PDCD2: variants seen among roughly 807,000 people sequenced by gnomAD.
PDCD2 encodes the protein uS5 assembly chaperone PDCD2.
A neutral mutation model predicts 38.1 loss-of-function variants in PDCD2; 38 were observed. The observed-to-expected ratio is 1.00, with a 90% CI of 0.77 to 1.31. The LOEUF is 1.31. Ranked by LOEUF, PDCD2 falls within the 50% of genes most tolerant of loss-of-function variation. PDCD2 has a pLI of 0.00. For missense variants in PDCD2, 473 were observed against 435.7 expected (o/e 1.09, Z -0.76); for synonymous variants, 205 against 168.9 (o/e 1.21, Z -1.66).
At chr6:170,579,892 T>C (rs1779546242) in intron 4 of PDCD2, 110 bp downstream of exon 4, 1 of 653,948 alleles carries the variant, frequency 1.5e-6, no homozygotes, top group Non-Finnish European at 2.7e-6. Flanking sequence ...CCTGCTTTTA[T>C]AGGCTCCTAA....
At position 170,583,547 on chromosome 6, in the gene PDCD2, G is replaced by A. The variant is rs755066452; in HGVS notation, c.484C>T (p.Leu162=). Reference sequence around the variant, plus strand: ...TGCTTATGTCCCAATCTCCAGTCTAGGGTCTGATGCTCCTTGCTGCAGTAA... The same window carrying A: ...TGCTTATGTCCCAATCTCCAGTCTAAGGTCTGATGCTCCTTGCTGCAGTAA... The part of the protein sequence containing the change: ...AYYCSKEHQT[L]DWRLGHKQAC... The change falls in exon 2 of 6, where the codon CTA becomes TTA. Residue 162 remains leucine (L), a synonymous_variant. Coordinates refer to ENST00000541970, the MANE Select transcript of PDCD2 (RefSeq NM_002598.4). 1.5e-5 allele frequency: 24 copies of A among 1,613,592 alleles called. No homozygotes were observed. Among genetic ancestry groups the A allele is most frequent in the Non-Finnish European group, 1.9e-5 (22 of 1,179,708 alleles).
intron 3 of PDCD2, chr6:170,581,107 C>T (rs2115013769): frequency 6.6e-6 from 1 of 152,236 alleles, no homozygotes; most frequent in East Asian, 1.9e-4. Flanking sequence ...TTCAATTCTC[C>T]TTTTATTTTA....
intron 3 of PDCD2, among the ~76,000 whole-genome samples, chr6:170,580,441 G>A (rs943021232): frequency 5.9e-5 from 9 of 152,210 alleles, no homozygotes; most frequent in African/African-American, 1.9e-4. Flanking sequence ...CTGGCCTGGA[G>A]CAGTGGCTCA....
At chr6:170,584,175 G>A in intron 1 of PDCD2, 124 bp downstream of exon 1, 1 of 1,081,632 alleles carries the variant, frequency 9.2e-7, no homozygotes, top group Non-Finnish European at 1.2e-6. Flanking sequence ...GGGGCAGCGC[G>A]GAGAGGGAGC....
chr6:170,578,145 C>G (rs1317519591), intron 5 of PDCD2, among the ~76,000 whole-genome samples: 2 of 142,160 alleles, frequency 1.4e-5, no homozygotes, highest in Non-Finnish European at 3.0e-5. Flanking sequence ...TAGTCTAACT[C>G]AAAGAGTGAA....
At chr6:170,584,182 G>A in intron 1 of PDCD2, 117 bp downstream of exon 1, 1 of 1,124,914 alleles carries the variant, frequency 8.9e-7, no homozygotes, top group South Asian at 2.6e-5. Flanking sequence ...CGCGGAGAGG[G>A]AGCTCTGAGG....
intron 1 of PDCD2, 120 bp downstream of exon 1, chr6:170,584,179 A>T: frequency 9.1e-7 from 1 of 1,103,270 alleles, no homozygotes; most frequent in Non-Finnish European, 1.2e-6. Context: ...CAGCGCGGAG[A>T]GGGAGCTCTG....
At position 170,578,897 on chromosome 6, in the gene PDCD2, G is replaced by A. The variant is rs1252067185; in HGVS notation, c.836C>T (p.Pro279Leu). Residue 279 changes from proline (P) to leucine (L), a missense_variant, in exon 5 of 6, where the codon CCA becomes CTA. By Grantham distance (98) the Pro-to-Leu change is moderately conservative (BLOSUM62 -3). Coordinates refer to ENST00000541970, the MANE Select transcript of PDCD2 (RefSeq NM_002598.4). The part of the protein sequence containing the change: ...GENIPQEKDI[P>L]DCPCGAKRIL... ...TCTCTTGGCACCACAGGGGCAATCT[G>A]GAATATCCTTTTCTTGAGGAATATT... 6.2e-7 allele frequency: 1 copy of A among 1,610,322 alleles called. No individual in the cohort carries two copies. The highest frequency in any genetic ancestry group is 8.5e-7 in the Non-Finnish European group (1 of 1,178,270).
intron 4 of PDCD2, 114 bp downstream of exon 4, chr6:170,579,888 T>A (rs779265614): frequency 2.2e-5 from 14 of 645,252 alleles, no homozygotes; most frequent in Non-Finnish European, 3.6e-5. Flanking sequence ...AAAGCCTGCT[T>A]TTATAGGCTC....
intron 3 of PDCD2, 150 bp downstream of exon 3, chr6:170,582,907 A>G: frequency 5.4e-6 from 8 of 1,472,896 alleles, no homozygotes; most frequent in South Asian, 2.9e-5. Context: ...TCCAGGAAGT[A>G]TATTTTTACC....
Position 170,584,451 on chromosome 6 carries a change from G to T in PDCD2, c.131C>A (p.Pro44Gln). 7.6e-7 allele frequency: 1 copy of T among 1,313,974 alleles called. No individual in the cohort carries two copies. Among genetic ancestry groups the T allele is most frequent in the South Asian group, 2.3e-5 (1 of 43,878 alleles). 81.4% of individuals were successfully genotyped at this position (1,313,974 alleles called of 1,614,324 possible). A position where few individuals can be genotyped will look rare whatever the true frequency, so the allele number is the denominator to read the frequency against. Reference sequence around the variant, plus strand: ...CTCGCAGGCCAGGGCCTGGGGCCCCGGCAGCCCGGCCGCGCCCAGCCATGC... The same window carrying T: ...CTCGCAGGCCAGGGCCTGGGGCCCCTGCAGCCCGGCCGCGCCCAGCCATGC... ...RPAWLGAAGL[P>Q]GPQALACELC... is the part of the protein sequence containing the mutation. Residue 44 changes from proline to glutamine, a missense_variant, in exon 1 of 6, where the codon CCG (proline) becomes CAG (glutamine). Pro to Gln is a moderately conservative substitution (Grantham distance 76). Coordinates refer to ENST00000541970, the MANE Select transcript of PDCD2 (RefSeq NM_002598.4).
Position 170,584,482 on chromosome 6 carries a change from G to T in PDCD2, c.100C>A (p.Arg34=). The T allele has an allele frequency of 7.6e-7, 1 of 1,316,340 alleles. No homozygotes were observed. The highest frequency in any genetic ancestry group is 2.3e-5 in the South Asian group (1 of 44,366). The allele number at this position is 1,316,340 out of a possible 1,614,324, so 81.5% of individuals were successfully genotyped here. ...CCGGCCGCGCCCAGCCATGCCGGCCGCCCGCCCACCTTGCTGGGGAACTGC... is the reference window on the plus strand; with the variant it reads ...CCGGCCGCGCCCAGCCATGCCGGCCTCCCGCCCACCTTGCTGGGGAACTGC... The part of the protein sequence containing the change: ...SEQFPSKVGG[R]PAWLGAAGLP... Residue 34 remains arginine, a synonymous_variant, in exon 1 of 6, where the codon CGG becomes AGG. Coordinates refer to ENST00000541970, the MANE Select transcript of PDCD2 (RefSeq NM_002598.4).
chr6:170,584,240 A>G, intron 1 of PDCD2, 59 bp downstream of exon 1: 3 of 1,326,244 alleles, frequency 2.3e-6, no homozygotes, highest in Non-Finnish European at 2.9e-6. Flanking sequence ...CGCTCCCGGA[A>G]TTAACGCCGC....
intron 3 of PDCD2, 108 bp downstream of exon 3, chr6:170,582,949 C>T (rs1779659991): frequency 6.6e-7 from 1 of 1,509,950 alleles, no homozygotes; most frequent in Non-Finnish European, 8.8e-7. Context: ...TATGCTACAG[C>T]CTCCAAAGTG....
intron 3 of PDCD2, chr6:170,582,072 C>T: frequency 6.7e-7 from 1 of 1,492,316 alleles, no homozygotes; most frequent in Non-Finnish European, 8.9e-7. Flanking sequence ...CATTATGTAT[C>T]ATGTTTATCG....
rs1422873282 is a variant in PDCD2 at position 170,577,613 on chromosome 6, A to G, written c.981T>C (p.Gly327=). Residue 327 remains glycine, a synonymous_variant, in exon 6 of 6, where the codon GGT becomes GGC. Coordinates refer to ENST00000541970, the MANE Select transcript of PDCD2 (RefSeq NM_002598.4). ...VFTCAESCSL[G]TGYTEEFVWK... ...ACACAAATTCTTCTGTATAGCCAGT[A>G]CCCAAGCTGCAGCTCTCAGCACAGG... 6 of 1,614,044 alleles carry G rather than the reference A, an allele frequency of 3.7e-6. No homozygotes were observed. Among genetic ancestry groups the G allele is most frequent in the Non-Finnish European group, 5.1e-6 (6 of 1,180,034 alleles).
chr6:170,582,809 T>G (rs1314783559), intron 3 of PDCD2: 1 of 1,309,806 alleles, frequency 7.6e-7, no homozygotes, highest in African/African-American at 1.5e-5. Context: ...TCCAGCATCT[T>G]GTGCAGCCCT....
At chr6:170,578,459 TTAAACAG>T in intron 5 of PDCD2, 3 of 583,004 alleles carry the variant, frequency 5.1e-6, no homozygotes, top group Non-Finnish European at 9.0e-6. Flanking sequence ...CAAACCAAGA[TTAAACAG>T]TAAAGACTCC....
intron 2 of PDCD2, 113 bp downstream of exon 2, chr6:170,583,392 A>AAAATTTT: frequency 7.8e-7 from 1 of 1,286,940 alleles, no homozygotes; most frequent in Non-Finnish European, 1.1e-6. Context: ...CCAGGCATGA[A>AAAATTTT]AAATTTTAAA....
Sources: allele counts gnomAD v4.1 joint callset (sites outside exome capture counted in the v4.1 genomes callset), GRCh38; gene constraint gnomAD v4.1.1; transcripts MANE v1.5; gene names NCBI Gene and HGNC (gene_info 2026-07-23, HGNC 2026-07-21).